The following PDIA5 variants were observed in gnomAD, a reference collection of about 807,000 sequenced individuals.
PDIA5 encodes protein disulfide isomerase family A member 5, also known as protein disulfide-isomerase A5.
Under a neutral mutation model 77.6 loss-of-function variants are expected in PDIA5, and 58 were observed. The ratio of observed to expected loss-of-function variants is 0.75; its 90% CI spans 0.61 to 0.93. PDIA5 has a LOEUF of 0.93. Ranked by LOEUF, PDIA5 falls within the 40% of genes least tolerant of loss-of-function variation. PDIA5 has a pLI of 0.00. For synonymous variants in PDIA5, 250 were observed against 252.1 expected, an observed-to-expected ratio of 0.99 and a Z score of 0.08; for missense variants, 630 against 647.7, an observed-to-expected ratio of 0.97 and a Z score of 0.30.
intron 6 of PDIA5, among the ~76,000 whole-genome samples, chr3:123,107,638 T>C (rs771635995): frequency 6.6e-6 from 1 of 152,210 alleles, no homozygotes; most frequent in Non-Finnish European, 1.5e-5. Flanking sequence ...GTATGATGCC[T>C]TCACTTGGGA....
intron 13 of PDIA5, 49 bp downstream of exon 13, chr3:123,146,308 C>G: frequency 6.6e-7 from 1 of 1,517,476 alleles, no homozygotes. Flanking sequence ...GCTGGCGGCC[C>G]CTGGAGACCA....
At chr3:123,127,409 G>T (rs1321953504) in intron 10 of PDIA5, among the ~76,000 whole-genome samples, 1 of 152,180 alleles carries the variant, frequency 6.6e-6, no homozygotes, top group Non-Finnish European at 1.5e-5. Flanking sequence ...GGTGATAAAT[G>T]ATATCTAGGA....
At chr3:123,130,744 G>T in intron 11 of PDIA5, 128 bp downstream of exon 11, 2 of 1,046,974 alleles carry the variant, frequency 1.9e-6, no homozygotes, top group Non-Finnish European at 2.8e-6. Flanking sequence ...CTAAGCCAGG[G>T]GATGCAGTGG....
chr3:123,113,312 G>A (rs1436001339), intron 7 of PDIA5, among the ~76,000 whole-genome samples: 6 of 152,138 alleles, frequency 3.9e-5, no homozygotes, highest in Admixed American at 1.3e-4. Context: ...AAGTGTGCAC[G>A]GGCAGTTTGC....
rs1184124761 is a variant in PDIA5 at position 123,145,522 on chromosome 3, G to A, written c.911G>A (p.Trp304Ter). 6.2e-7 allele frequency: 1 copy of A among 1,613,522 alleles called. No homozygotes were observed. Among genetic ancestry groups the A allele is most frequent in the Admixed American group, 1.7e-5 (1 of 60,020 alleles). Residue 304 changes from tryptophan to a stop codon, truncating the protein, a stop_gained and splice_region_variant, in exon 12 of 17, where the codon TGG becomes TAG. Coordinates refer to ENST00000316218, the MANE Select transcript of PDIA5 (RefSeq NM_006810.4). LOFTEE classifies it high-confidence loss of function. ...SSVLVMFHAP[W>*]CGHCKKMKPE... ...GGTTTCTCTTGATCTCTCCCCACAG[G>A]GTGTGGCCACTGTAAGAAAATGAAG...
intron 1 of PDIA5, among the ~76,000 whole-genome samples, chr3:123,080,834 G>A (rs1933982402): frequency 6.6e-6 from 1 of 151,318 alleles, no homozygotes; most frequent in Non-Finnish European, 1.5e-5. Context: ...CCTGCACAGG[G>A]ATATTCCAGG....
rs1350618009 is a variant in PDIA5 at position 123,130,551 on chromosome 3, C to T, written c.845C>T (p.Thr282Ile). ...ADEGGSVYHL[T>I]DEDFDQFVKE... is the part of the protein sequence containing the mutation. ...GAGGGCGGCTCCGTTTATCACCTGA[C>T]CGATGAAGACTTTGACCAGTTTGTG... The change falls in exon 11 of 17, where the codon ACC (threonine) becomes ATC (isoleucine). Residue 282 changes from threonine to isoleucine, a missense_variant. Physicochemically the swap from Thr to Ile is moderately conservative, Grantham distance 89 (BLOSUM62 -1). Coordinates refer to ENST00000316218, the MANE Select transcript of PDIA5 (RefSeq NM_006810.4). 3.7e-6 allele frequency: 6 copies of T among 1,614,144 alleles called. No individual in the cohort carries two copies. The highest frequency in any genetic ancestry group is 1.7e-5 in the Admixed American group (1 of 60,024).
chr3:123,085,073 G>T (rs188274061), intron 1 of PDIA5, among the ~76,000 whole-genome samples: 36 of 152,326 alleles, frequency 2.4e-4, no homozygotes, highest in Non-Finnish European at 4.6e-4. Flanking sequence ...GCTGTGGTCT[G>T]TGTGGCTTCC....
At chr3:123,093,241 T>G (rs1182415026) in intron 3 of PDIA5, among the ~76,000 whole-genome samples, 1 of 149,670 alleles carries the variant, frequency 6.7e-6, no homozygotes, top group African/African-American at 2.5e-5. Flanking sequence ...CTTAGCCAAG[T>G]GGTGTGTGCT....
At chr3:123,081,135 G>A (rs1006435986) in intron 1 of PDIA5, among the ~76,000 whole-genome samples, 3 of 152,188 alleles carry the variant, frequency 2.0e-5, no homozygotes, top group Admixed American at 2.0e-4. Flanking sequence ...ATTGCGGGTG[G>A]CCACATGCCC....
chr3:123,068,858 C>T (rs184032127), intron 1 of PDIA5, among the ~76,000 whole-genome samples: 95 of 152,264 alleles, frequency 6.2e-4, no homozygotes, highest in Non-Finnish European at 1.1e-3. Context: ...GTACTAGTAT[C>T]CTTCACTGAA....
At chr3:123,111,797 G>A (rs1934868896) in intron 7 of PDIA5, among the ~76,000 whole-genome samples, 1 of 152,194 alleles carries the variant, frequency 6.6e-6, no homozygotes, top group Non-Finnish European at 1.5e-5. Flanking sequence ...TGAGACAAAA[G>A]TTTCGCAAAA....
rs751951782 is a variant in PDIA5 at position 123,092,376 on chromosome 3, T to G, written c.191T>G (p.Leu64Arg). The G allele has an allele frequency of 6.2e-7, 1 of 1,613,542 alleles. No homozygotes were observed. The highest frequency in any genetic ancestry group is 8.5e-7 in the Non-Finnish European group (1 of 1,179,634). ...SKSEVAAENH[L>R]RLLSTVAQAV... ...ACAGAGGTGGCAGCTGAAAATCATC[T>G]CAGGTTACTGTCCACAGTGGCCCAG... The change falls in exon 3 of 17, where the codon CTC (leucine) becomes CGC (arginine). Residue 64 changes from leucine (L) to arginine (R), a missense_variant. Physicochemically the swap from Leu to Arg is moderately radical, Grantham distance 102. Transcript: ENST00000316218.
intron 3 of PDIA5, among the ~76,000 whole-genome samples, chr3:123,098,992 CA>C (rs1934514436): frequency 6.6e-6 from 1 of 152,218 alleles, no homozygotes; most frequent in Admixed American, 6.5e-5. Context: ...AATTTTCTCC[CA>C]TACTTGAACT....
At chr3:123,068,468 G>A (rs545318245) in intron 1 of PDIA5, among the ~76,000 whole-genome samples, 8 of 152,158 alleles carry the variant, frequency 5.3e-5, no homozygotes, top group African/African-American at 4.8e-5. Context: ...ACTTAATTGC[G>A]TCTGGGTTTG....
intron 5 of PDIA5, 96 bp downstream of exon 5, chr3:123,102,892 C>A: frequency 1.3e-6 from 1 of 773,644 alleles, no homozygotes; most frequent in Non-Finnish European, 2.3e-6. Flanking sequence ...GGGCAGATTG[C>A]ACAAATAGCT....
At chr3:123,121,667 C>T (rs892765997) in intron 8 of PDIA5, among the ~76,000 whole-genome samples, 1 of 152,108 alleles carries the variant, frequency 6.6e-6, no homozygotes, top group Non-Finnish European at 1.5e-5. Context: ...TGGGCAGCCT[C>T]AGTAAGGGGA....
In PDIA5 at chr3:123,161,936, A is replaced by T. The variant is rs374348711; in HGVS notation, c.1536A>T (p.Leu512=). 6.2e-7 allele frequency: 1 copy of T among 1,601,920 alleles called. No individual in the cohort carries two copies. Among genetic ancestry groups the T allele is most frequent in the African/African-American group, 1.3e-5 (1 of 74,686 alleles). ...TCCGGGAGGGAGACCATGAAAGACT[A>T]GGGAAAAAGAAGGAAGAGTTATAAT... The part of the protein sequence containing the change: ...RALREGDHER[L]GKKKEEL The change falls in exon 17 of 17, where the codon CTA becomes CTT. Residue 512 remains leucine (L), a synonymous_variant. Coordinates refer to ENST00000316218, the MANE Select transcript of PDIA5 (RefSeq NM_006810.4).
At chr3:123,157,543 CA>C (rs1936048252) in intron 15 of PDIA5, among the ~76,000 whole-genome samples, 1 of 152,192 alleles carries the variant, frequency 6.6e-6, no homozygotes, top group East Asian at 1.9e-4. Flanking sequence ...CCTGACACCC[CA>C]AGCTGCCACT....
Sources: allele counts gnomAD v4.1 joint callset (sites outside exome capture counted in the v4.1 genomes callset), GRCh38; gene constraint gnomAD v4.1.1; transcripts MANE v1.5; gene names NCBI Gene and HGNC (gene_info 2026-07-23, HGNC 2026-07-21).